RECQL4: variants seen among roughly 807,000 people sequenced by gnomAD.
The protein encoded by RECQL4 is ATP-dependent DNA helicase Q4.
Under a neutral mutation model 128.6 loss-of-function variants are expected in RECQL4, and 158 were observed. The observed-to-expected ratio is 1.23, with a 90% CI of 1.08 to 1.40. RECQL4 has a LOEUF of 1.40. RECQL4 is among the 40% of genes most tolerant of loss of function. The pLI is 0.00. For missense variants in RECQL4, 2,293 were observed against 1,649.8 expected, an observed-to-expected ratio of 1.39 and a Z score of -6.75; for synonymous variants, 996 against 678.9, an observed-to-expected ratio of 1.47 and a Z score of -7.26.
At position 144,512,524 on chromosome 8, in the gene RECQL4, G is replaced by A; in HGVS notation, c.2923C>T (p.Pro975Ser). 2 of 1,612,576 alleles carry A rather than the reference G, an allele frequency of 1.2e-6. No individual in the cohort carries two copies. Among genetic ancestry groups the A allele is most frequent in the Non-Finnish European group, 1.7e-6 (2 of 1,179,812 alleles). The change falls in exon 17 of 21, where the codon CCT (proline) becomes TCT (serine). Residue 975 changes from proline to serine, a missense_variant. Physicochemically the swap from Pro to Ser is moderately conservative, Grantham distance 74. Coordinates refer to ENST00000617875, the MANE Select transcript of RECQL4 (RefSeq NM_004260.4). Reference protein sequence around the residue: ...PLAVCLAQQLPEDPGQGSSSV... With the variant: ...PLAVCLAQQLSEDPGQGSSSV... ...CTGCTGCCTTGCCCTGGGTCCTCAG[G>A]CAGCTGCTGGGCCAAGCACACAGCC...
At position 144,511,551 on chromosome 8, in the gene RECQL4, G is replaced by C. The variant is rs370738615; in HGVS notation, c.3507C>G (p.Ser1169Arg). 2 of 1,612,028 alleles carry C rather than the reference G, an allele frequency of 1.2e-6. No individual in the cohort carries two copies. The highest frequency in any genetic ancestry group is 2.2e-5 in the South Asian group (2 of 91,084). Residue 1169 changes from serine to arginine, a missense_variant, in exon 21 of 21, where the codon AGC becomes AGG. Physicochemically the swap from Ser to Arg is moderately radical, Grantham distance 110. Transcript: ENST00000617875. ...AVARIFHGIG[S>R]PCYPAQVYGQ... ...CGTACACCTGGGCCGGGTAGCAGGG[G>C]CTTCCTACGGTGGAGCCAAGACACA...
intron 4 of RECQL4, 82 bp downstream of exon 4, chr8:144,516,968 T>G: frequency 6.5e-7 from 1 of 1,533,410 alleles, no homozygotes; most frequent in Non-Finnish European, 8.8e-7. Flanking sequence ...TGCCTGTCTG[T>G]GTGGAAAAAA....
Position 144,517,785 on chromosome 8 carries a change from G to GGCGC in RECQL4, c.-5_-2dup, listed in dbSNP as rs1370203542. 3 of 1,231,564 alleles carry GGCGC rather than the reference G, an allele frequency of 2.4e-6. No individual in the cohort carries two copies. The highest frequency in any genetic ancestry group is 3.2e-5 in the African/African-American group (2 of 62,998). The allele number at this position is 1,231,564 out of a possible 1,614,324, so 76.3% of individuals were successfully genotyped here. A position where few individuals can be genotyped will look rare whatever the true frequency, so the allele number is the denominator to read the frequency against. Reference sequence around the variant, plus strand: ...CCCGCACGTCCCGCAGCCGCTCCATGGCGCGCGCGCCCGCCCGGCCTCCGC... The same window carrying GGCGC: ...CCCGCACGTCCCGCAGCCGCTCCATGGCGCGCGCGCGCGCCCGCCCGGCCTCCGC... On this transcript the variant is annotated 5_prime_UTR_variant, in exon 1 of 21. Coordinates refer to ENST00000617875, the MANE Select transcript of RECQL4 (RefSeq NM_004260.4).
At position 144,516,733 on chromosome 8, in the gene RECQL4, G is replaced by A. The variant is rs370624395; in HGVS notation, c.386C>T (p.Pro129Leu). Residue 129 changes from proline (P) to leucine (L), a missense_variant, in exon 5 of 21, where the codon CCT becomes CTT. By Grantham distance (98) the Pro-to-Leu change is moderately conservative. Transcript: ENST00000617875. Reference sequence around the variant, plus strand: ...TGCCTTAGATGAGGCTCTTCCTAGAGGCCACGGTCTGCGGCCCAGGGCTGG... The same window carrying A: ...TGCCTTAGATGAGGCTCTTCCTAGAAGCCACGGTCTGCGGCCCAGGGCTGG... ...AGPALGRRPW[P>L]LGRASSKAST... 1.2e-5 allele frequency: 18 copies of A among 1,532,426 alleles called. No homozygotes were observed. Among genetic ancestry groups the A allele is most frequent in the African/African-American group, 8.3e-5 (6 of 72,234 alleles). 94.9% of individuals were successfully genotyped at this position (1,532,426 alleles called of 1,614,324 possible). A position where few individuals can be genotyped will look rare whatever the true frequency, so the allele number is the denominator to read the frequency against.
intron 4 of RECQL4, 115 bp from the exon 5 acceptor site, chr8:144,516,879 C>G: frequency 1.4e-6 from 2 of 1,384,844 alleles, no homozygotes; most frequent in East Asian, 2.3e-5. Flanking sequence ...TAGCACAAGG[C>G]TGGACTAGAA....
chr8:144,511,895 G>A lies in RECQL4; in HGVS notation c.3393+16C>T. ...ACCTGCAACCCCGATGAGCTGCCTG[G>A]CCTTACTGCACTCACTCTGGCCTGC... On this transcript the variant is annotated intron_variant, in intron 19 of 20. Coordinates refer to ENST00000617875, the MANE Select transcript of RECQL4 (RefSeq NM_004260.4). 2 of 1,610,186 alleles carry A rather than the reference G, an allele frequency of 1.2e-6. No individual in the cohort carries two copies. Among genetic ancestry groups the A allele is most frequent in the African/African-American group, 1.3e-5 (1 of 75,060 alleles).
intron 9 of RECQL4, 140 bp from the exon 10 acceptor site, chr8:144,514,665 TAG>T: frequency 1.0e-6 from 1 of 961,478 alleles, no homozygotes; most frequent in Non-Finnish European, 1.5e-6. Context: ...GCTAAGGGTT[TAG>T]AGCCACCTGT....
chr8:144,516,351 G>C lies in RECQL4; in HGVS notation c.768C>G (p.Ser256Arg), dbSNP rs772714143. ...SIRVGSPQPS[S>R]SGGEKRRWNE... ...TCCATCTCCGCTTCTCGCCTCCACTGCTGCTGGGCTGGGGGCTCCCCACAC... is the reference window on the plus strand; with the variant it reads ...TCCATCTCCGCTTCTCGCCTCCACTCCTGCTGGGCTGGGGGCTCCCCACAC... Residue 256 changes from serine (S) to arginine (R), a missense_variant, in exon 5 of 21, where the codon AGC (serine) becomes AGG (arginine). Transcript: ENST00000617875. 6.2e-7 allele frequency: 1 copy of C among 1,609,838 alleles called. No individual in the cohort carries two copies. Among genetic ancestry groups the C allele is most frequent in the Non-Finnish European group, 8.5e-7 (1 of 1,179,640 alleles).
Position 144,516,187 on chromosome 8 carries a change from C to T in RECQL4, c.932G>A (p.Cys311Tyr), listed in dbSNP as rs1586822500. 1 of 1,613,440 alleles carries T rather than the reference C, an allele frequency of 6.2e-7. No homozygotes were observed. The highest frequency in any genetic ancestry group is 1.1e-5 in the South Asian group (1 of 91,090). ...EPVQAQPPQPCSSPSNPRYHG... is the reference protein window; with the variant it reads ...EPVQAQPPQPYSSPSNPRYHG... ...GTACCTGGGGTTCGATGGGCTGCTG[C>T]AGGGCTGAGGTGGCTGTGCCTGTAC... The change falls in exon 5 of 21, where the codon TGC (cysteine) becomes TAC (tyrosine). Residue 311 changes from cysteine to tyrosine, a missense_variant. Cys to Tyr is a radical substitution (Grantham distance 194). Coordinates refer to ENST00000617875, the MANE Select transcript of RECQL4 (RefSeq NM_004260.4).
At position 144,511,720 on chromosome 8, in the gene RECQL4, ACTT is replaced by A. The variant is rs1564787405; in HGVS notation, c.3460_3462del (p.Lys1154del). The A allele has an allele frequency of 2.5e-6, 4 of 1,612,430 alleles. No individual in the cohort carries two copies. Among genetic ancestry groups the A allele is most frequent in the East Asian group, 2.2e-5 (1 of 44,870 alleles). ...ATGCGGGCCACAGCCCTGCTGGAGA[ACTT>A]CTCCTCTGGCCTCAGGGACAGGAAC... is the stretch of plus-strand genomic sequence containing the variant. On this transcript the variant is annotated inframe_deletion, in exon 20 of 21. Coordinates refer to ENST00000617875, the MANE Select transcript of RECQL4 (RefSeq NM_004260.4).
At position 144,513,674 on chromosome 8, in the gene RECQL4, G is replaced by A. The variant is rs896790337; in HGVS notation, c.2097C>T (p.Asn699=). The A allele has an allele frequency of 9.6e-6, 15 of 1,556,336 alleles. No homozygotes were observed. The highest frequency in any genetic ancestry group is 1.7e-4 in the Middle Eastern group (1 of 6,018). Reference sequence around the variant, plus strand: ...TGCAGTAAATGATAATGGAATCGAGGTTTTGAAAACGTTTGCCTTGCAGCA... The same window carrying A: ...TGCAGTAAATGATAATGGAATCGAGATTTTGAAAACGTTTGCCTTGCAGCA... The part of the protein sequence containing the change: ...LTLLQGKRFQ[N]LDSIIIYCNR... Residue 699 remains asparagine, a synonymous_variant, in exon 13 of 21, where the codon AAC becomes AAT. Coordinates refer to ENST00000617875, the MANE Select transcript of RECQL4 (RefSeq NM_004260.4).
At position 144,513,480 on chromosome 8, in the gene RECQL4, C is replaced by T. The variant is rs765378620; in HGVS notation, c.2201G>A (p.Gly734Asp). ...CTCGGCTGTGGTTTTGGGGGCACGA[C>T]CTTTGGGGAAGACAGGCAGATGGTC... ...LHAAWVPGSGGRAPKTTAEAY... is the reference protein window; with the variant it reads ...LHAAWVPGSGDRAPKTTAEAY... The change falls in exon 14 of 21, where the codon GGT becomes GAT. Residue 734 changes from glycine (G) to aspartate (D), a missense_variant and splice_region_variant. Transcript: ENST00000617875. The T allele has an allele frequency of 1.9e-6, 3 of 1,610,012 alleles. No individual in the cohort carries two copies. The highest frequency in any genetic ancestry group is 2.2e-5 in the South Asian group (2 of 91,068).
rs2130708528 is a variant in RECQL4 at position 144,515,412 on chromosome 8, G to A, written c.1304C>T (p.Pro435Leu). 2 of 1,612,838 alleles carry A rather than the reference G, an allele frequency of 1.2e-6. No individual in the cohort carries two copies. Among genetic ancestry groups the A allele is most frequent in the Non-Finnish European group, 1.7e-6 (2 of 1,179,846 alleles). The change falls in exon 7 of 21, where the codon CCT becomes CTT. Residue 435 changes from proline to leucine, a missense_variant. Physicochemically the swap from Pro to Leu is moderately conservative, Grantham distance 98. Transcript: ENST00000617875. ...TDAVGPEPLV[P>L]SPQPVPEVPS... is the part of the protein sequence containing the mutation. ...CACCTCAGGTACAGGTTGTGGTGAA[G>A]GAACCAGTGGCTCAGGCCCAACAGC...
intron 20 of RECQL4, 48 bp from the exon 21 acceptor site, chr8:144,511,603 G>A (rs779060469): frequency 1.2e-6 from 2 of 1,607,518 alleles, no homozygotes; most frequent in Non-Finnish European, 1.7e-6. Context: ...CCAGCCTGCA[G>A]CGGGTGGAGC....
Position 144,512,916 on chromosome 8 carries a change from C to G in RECQL4, c.2686G>C (p.Val896Leu), listed in dbSNP as rs762644049. Reference sequence around the variant, plus strand: ...AGTGCCCGCTCATGGCCCATGCAGACCCTTCTGGGTCCTGGGGCTGCTTGG... The same window carrying G: ...AGTGCCCGCTCATGGCCCATGCAGAGCCTTCTGGGTCCTGGGGCTGCTTGG... ...SHQAAPGPRR[V>L]CMGHERALPI... The change falls in exon 15 of 21, where the codon GTC (valine) becomes CTC (leucine). Residue 896 changes from valine to leucine, a missense_variant. Val to Leu is a conservative substitution (Grantham distance 32). Transcript: ENST00000617875. The G allele has an allele frequency of 4.4e-6, 7 of 1,585,490 alleles. No individual in the cohort carries two copies. The East Asian group carries it at 1.6e-4, about 36-fold the overall frequency.
Position 144,513,947 on chromosome 8 carries a change from A to G in RECQL4, c.2039T>C (p.Met680Thr), listed in dbSNP as rs372717152. Residue 680 changes from methionine to threonine, a missense_variant, in exon 12 of 21, where the codon ATG becomes ACG. Met to Thr is a moderately conservative substitution (Grantham distance 81). Coordinates refer to ENST00000617875, the MANE Select transcript of RECQL4 (RefSeq NM_004260.4). Reference protein sequence around the residue: ...VPTNLHLSVSMDRDTDQALLT... With the variant: ...VPTNLHLSVSTDRDTDQALLT... ...ACCCACCTGGTCTGTGTCCCTGTCC[A>G]TGGACACGGAAAGGTGCAGGTTGGT... The G allele has an allele frequency of 3.3e-5, 52 of 1,557,986 alleles. No individual in the cohort carries two copies. Among genetic ancestry groups the G allele is most frequent in the African/African-American group, 8.2e-5 (6 of 73,288 alleles).
rs1292831710 is a variant in RECQL4, at chr8:144,516,264, TG to T, written c.854del (p.Pro285HisfsTer8). ...VQQESSQAGP[P>X]SEGAGAVAVE... ...CTGCTACAGCCCCAGCCCCCTCCGA[TG>T]GGGGTCCAGCTTGGCTGCTCTCCTG... On this transcript the variant is annotated frameshift_variant, in exon 5 of 21. Transcript: ENST00000617875. LOFTEE classifies it high-confidence loss of function. 1 of 1,612,246 alleles carries T rather than the reference TG, an allele frequency of 6.2e-7. No homozygotes were observed. Among genetic ancestry groups the T allele is most frequent in the Non-Finnish European group, 8.5e-7 (1 of 1,179,544 alleles).
rs747887097 is a variant in RECQL4, at chr8:144,514,138, G to A, written c.1879-31C>T. On this transcript the variant is annotated intron_variant, in intron 11 of 20. Transcript: ENST00000617875. Reference sequence around the variant, plus strand: ...CCAGAGGCGGCAGTGGTGTGAGGCCGCCCAGCCCATCCCGGCCCTGGCCGC... The same window carrying A: ...CCAGAGGCGGCAGTGGTGTGAGGCCACCCAGCCCATCCCGGCCCTGGCCGC... 36 of 1,610,202 alleles carry A rather than the reference G, an allele frequency of 2.2e-5. No homozygotes were observed. The East Asian group carries it at 3.1e-4, about 14-fold the overall frequency.
In RECQL4 at chr8:144,511,688, G is replaced by A. The variant is rs202083938; in HGVS notation, c.3495C>T (p.His1165=). 3.4e-4 allele frequency: 553 copies of A among 1,612,256 alleles called. 1 individual carries two copies. Among genetic ancestry groups the A allele is most frequent in the Non-Finnish European group, 4.2e-4 (497 of 1,179,716 alleles). ...GGGCCTCCCAGGCCTCACCGATGCC[G>A]TGGAAGATGCGGGCCACAGCCCTGC... is the stretch of plus-strand genomic sequence containing the variant. ...FSSRAVARIF[H]GIGSPCYPAQ... Residue 1165 remains histidine, a synonymous_variant, in exon 20 of 21, where the codon CAC becomes CAT. Transcript: ENST00000617875.
Sources: allele counts gnomAD v4.1 joint callset, GRCh38; gene constraint gnomAD v4.1.1; transcripts MANE v1.5; gene names NCBI Gene and HGNC (gene_info 2026-07-23, HGNC 2026-07-21).